The following RASGRF2 variants were observed in gnomAD, a reference collection of about 807,000 sequenced individuals.
RASGRF2 encodes the protein Ras protein specific guanine nucleotide releasing factor 2, also known as ras-specific guanine nucleotide-releasing factor 2.
A neutral mutation model predicts 151.0 loss-of-function variants in RASGRF2; 76 were observed. The observed-to-expected ratio is 0.50, with a 90% CI of 0.42 to 0.61. The LOEUF (loss-of-function observed/expected upper bound fraction) is 0.61. Among genes scored for constraint, RASGRF2 ranks in the 20% least tolerant of loss-of-function variants. RASGRF2 has a pLI of 0.00. For missense variants in RASGRF2, 1,148 were observed against 1,564.6 expected, an observed-to-expected ratio of 0.73 and a Z score of 4.49; for synonymous variants, 504 against 566.5, an observed-to-expected ratio of 0.89 and a Z score of 1.57.
intron 2 of RASGRF2, among the ~76,000 whole-genome samples, chr5:81,055,254 G>A (rs902741374): frequency 1.4e-4 from 22 of 152,264 alleles, no homozygotes; most frequent in African/African-American, 5.1e-4. Context: ...TATGATATTT[G>A]CTGTGGGTTT....
At position 81,207,343 on chromosome 5, in the gene RASGRF2, C is replaced by G; in HGVS notation, c.3065C>G (p.Pro1022Arg). 6.2e-7 allele frequency: 1 copy of G among 1,613,322 alleles called. No homozygotes were observed. The highest frequency in any genetic ancestry group is 8.5e-7 in the Non-Finnish European group (1 of 1,179,368). The change falls in exon 21 of 27, where the codon CCC becomes CGC. Residue 1022 changes from proline (P) to arginine (R), a missense_variant. By Grantham distance (103) the Pro-to-Arg change is moderately radical. Transcript: ENST00000265080. ...GACCATGTCATTTTCAGAAGCATTC[C>G]CTACGAGTGAGTGCCACCCCCCACA... ...LLDHVIFRSI[P>R]YEEFLGQGWM...
chr5:81,101,354 CT>C (rs371070338), intron 12 of RASGRF2, among the ~76,000 whole-genome samples: 3,534 of 149,172 alleles, frequency 0.024, 128 homozygotes, highest in African/African-American at 0.07. Flanking sequence ...TATAGTTTAA[CT>C]TTTTTTTTTA....
chr5:81,080,564 G>A, intron 6 of RASGRF2, 32 bp from the exon 7 acceptor site: 1 of 1,583,326 alleles, frequency 6.3e-7, no homozygotes, highest in Non-Finnish European at 8.6e-7. Context: ...CAAGCAACAA[G>A]GGAAACAGCC....
chr5:81,047,758 C>G (rs1750884266), intron 2 of RASGRF2, among the ~76,000 whole-genome samples: 1 of 152,178 alleles, frequency 6.6e-6, no homozygotes, highest in Admixed American at 6.5e-5. Context: ...TCAATTAAGC[C>G]TTATTCTCTT....
At chr5:81,036,802 AT>A (rs1750514063) in intron 1 of RASGRF2, among the ~76,000 whole-genome samples, 2 of 152,210 alleles carry the variant, frequency 1.3e-5, no homozygotes, top group African/African-American at 2.4e-5. Context: ...TGTTGGAACC[AT>A]AGTTTCCTGA....
intron 1 of RASGRF2, among the ~76,000 whole-genome samples, chr5:80,979,833 C>T (rs1580162354): frequency 6.6e-6 from 1 of 152,088 alleles, no homozygotes; most frequent in Non-Finnish European, 1.5e-5. Context: ...TGGTGCTTGG[C>T]GTTTGAGGAG....
rs138704505 is a variant in RASGRF2 at position 81,052,847 on chromosome 5, G to A, written c.395+9864G>A. Among the ~76,000 whole-genome samples the A allele has an allele frequency of 2.2e-3, 333 of 152,156 alleles. 1 individual carries two copies. Among genetic ancestry groups the A allele is most frequent in the South Asian group, 8.3e-3 (40 of 4,808 alleles). On this transcript the variant is annotated intron_variant, in intron 2 of 26. Coordinates refer to ENST00000265080, the MANE Select transcript of RASGRF2 (RefSeq NM_006909.3). Reference sequence around the variant, plus strand: ...CTCCCAAAGGCCTCATGATTCTCCTGGCATGAGGAACGCTGATTCCAAACA... The same window carrying A: ...CTCCCAAAGGCCTCATGATTCTCCTAGCATGAGGAACGCTGATTCCAAACA...
chr5:80,993,401 A>C (rs144362758), intron 1 of RASGRF2, among the ~76,000 whole-genome samples: 5 of 152,372 alleles, frequency 3.3e-5, no homozygotes, highest in African/African-American at 1.2e-4. Flanking sequence ...TTTCAGGGCA[A>C]GTATATACAA....
chr5:81,118,133 C>T (rs976269479), intron 15 of RASGRF2, among the ~76,000 whole-genome samples: 3 of 152,236 alleles, frequency 2.0e-5, no homozygotes, highest in Non-Finnish European at 2.9e-5. Context: ...TGGCCTCACT[C>T]TCATGGCTCC....
chr5:81,097,238 C>T (rs545625205), intron 12 of RASGRF2, among the ~76,000 whole-genome samples: 6 of 152,172 alleles, frequency 3.9e-5, no homozygotes, highest in South Asian at 2.1e-4. Context: ...TGGGATTACA[C>T]GCGTGAGCCA....
chr5:81,025,636 C>G (rs16878338), intron 1 of RASGRF2, among the ~76,000 whole-genome samples: 4,971 of 152,326 alleles, frequency 0.033, 153 homozygotes, highest in East Asian at 0.19. Context: ...CTCACCTTGA[C>G]ACATGGCCAT....
At chr5:81,076,678 C>T (rs1751948439) in intron 5 of RASGRF2, among the ~76,000 whole-genome samples, 1 of 150,890 alleles carries the variant, frequency 6.6e-6, no homozygotes, top group Admixed American at 6.6e-5. Context: ...ATGGACACTT[C>T]AGTAGTTAGG....
rs139203960 is a variant in RASGRF2, at chr5:81,172,595, A to C, written c.2687-7580A>C. Among the ~76,000 whole-genome samples, 19 of 152,134 alleles carry C rather than the reference A, an allele frequency of 1.2e-4. No homozygotes were observed. The East Asian group carries it at 2.7e-3, about 22-fold the overall frequency. On this transcript the variant is annotated intron_variant, in intron 17 of 26. Transcript: ENST00000265080. ...AAGGTAAAAACAGACAAGCAAATCC[A>C]CTCTGAGGCATATTTGTTCATTGCC...
At chr5:81,165,197 C>G (rs552487479) in intron 17 of RASGRF2, among the ~76,000 whole-genome samples, 1 of 152,222 alleles carries the variant, frequency 6.6e-6, no homozygotes, top group African/African-American at 2.4e-5. Flanking sequence ...GTTACGGACC[C>G]TGGGGAGGAG....
intron 1 of RASGRF2, among the ~76,000 whole-genome samples, chr5:81,035,636 A>T (rs1009951428): frequency 3.3e-5 from 5 of 152,118 alleles, no homozygotes; most frequent in African/African-American, 1.2e-4. Flanking sequence ...AAAAAAAACA[A>T]CTTAATAGAC....
At chr5:81,018,802 CTTT>C (rs35247915) in intron 1 of RASGRF2, among the ~76,000 whole-genome samples, 6 of 127,042 alleles carry the variant, frequency 4.7e-5, no homozygotes, top group Admixed American at 7.9e-5. Context: ...TCCATCTGCA[CTTT>C]TTTTTTTTTT....
At position 81,229,666 on chromosome 5, in the gene RASGRF2, C is replaced by CA. The variant is rs1263105997; in HGVS notation, c.*3897dup. 6.6e-6 allele frequency: 1 copy of CA among 152,174 alleles called. No individual in the cohort carries two copies. Among genetic ancestry groups the CA allele is most frequent in the African/African-American group, 2.4e-5 (1 of 41,430 alleles). 9.4% of individuals were successfully genotyped at this position (152,174 alleles called of 1,614,324 possible). A position where few individuals can be genotyped will look rare whatever the true frequency, so the allele number is the denominator to read the frequency against. On this transcript the variant is annotated 3_prime_UTR_variant, in exon 27 of 27. Coordinates refer to ENST00000265080, the MANE Select transcript of RASGRF2 (RefSeq NM_006909.3). ...TTATACTTAATGATGTTGGTTTTTA[C>CA]ACAGCTCATTTCATTTTTCACTAGA...
chr5:81,201,994 T>TGACTC (rs1458757409), intron 19 of RASGRF2, among the ~76,000 whole-genome samples: 1 of 151,838 alleles, frequency 6.6e-6, no homozygotes, highest in Non-Finnish European at 1.5e-5. Context: ...GTATAAGGTA[T>TGACTC]GACTCCACAC....
intron 17 of RASGRF2, among the ~76,000 whole-genome samples, chr5:81,144,536 C>T (rs1047852118): frequency 6.6e-6 from 1 of 152,164 alleles, no homozygotes; most frequent in African/African-American, 2.4e-5. Context: ...AGTTATGGGT[C>T]ATTTTTATAG....
Sources: allele counts gnomAD v4.1 joint callset (sites outside exome capture counted in the v4.1 genomes callset), GRCh38; gene constraint gnomAD v4.1.1; transcripts MANE v1.5; gene names NCBI Gene and HGNC (gene_info 2026-07-23, HGNC 2026-07-21).